The following JAK1 variants were observed in gnomAD, a reference collection of about 807,000 sequenced individuals.
The protein encoded by JAK1 is tyrosine-protein kinase JAK1.
A neutral mutation model predicts 136.6 loss-of-function variants in JAK1; 16 were observed. The ratio of observed to expected loss-of-function variants is 0.12; its 90% CI spans 0.08 to 0.18. The LOEUF (loss-of-function observed/expected upper bound fraction) is 0.18, where lower values mean the gene tolerates loss of function less well. JAK1 is among the 10% of genes least tolerant of loss of function. The pLI, the probability that JAK1 is intolerant of heterozygous loss-of-function variation, is 1.00. For missense variants in JAK1, 859 were observed against 1,450.1 expected (o/e 0.59, Z 6.62); for synonymous variants, 492 against 519.5 (o/e 0.95, Z 0.72).
At chr1:64,960,343 T>C (rs904415530) in intron 1 of JAK1, among the ~76,000 whole-genome samples, 2 of 152,240 alleles carry the variant, frequency 1.3e-5, no homozygotes, top group Non-Finnish European at 2.9e-5. Context: ...AGGTACTGTC[T>C]TTATTGTCAT....
intron 1 of JAK1, among the ~76,000 whole-genome samples, chr1:65,059,220 C>T (rs1011341847): frequency 1.3e-5 from 2 of 151,884 alleles, no homozygotes; most frequent in African/African-American, 4.8e-5. Flanking sequence ...TGTCCAGAAC[C>T]ATGTCAAATG....
rs1557641713 is a variant in JAK1, at chr1:64,860,419, C to CTTATTT, written c.1177-158_1177-157insAAATAA. ...CAATACTAAATATACCCCTTGCATG[C>CTTATTT]ATTTATTTATTTATTTATTTATTTA... On this transcript the variant is annotated intron_variant, in intron 8 of 24. Coordinates refer to ENST00000342505, the MANE Select transcript of JAK1 (RefSeq NM_002227.4). Among the ~76,000 whole-genome samples the CTTATTT allele has an allele frequency of 5.8e-3, 427 of 73,868 alleles. 5 individuals are homozygous for CTTATTT. Among genetic ancestry groups the CTTATTT allele is most frequent in the Admixed American group, 9.6e-3 (67 of 6,952 alleles). 48.5% of individuals were successfully genotyped at this position (73,868 alleles called of 152,430 possible).
chr1:64,996,868 C>T (rs937875732), intron 2 of JAK1, among the ~76,000 whole-genome samples: 22 of 152,228 alleles, frequency 1.4e-4, no homozygotes, highest in Admixed American at 1.3e-4. Context: ...GCTGCACTTC[C>T]AGTGCAATGA....
Position 64,984,755 on chromosome 1 carries a change from G to A in JAK1, c.-78+59725C>T. On this transcript the variant is annotated intron_variant, in intron 2 of 25. Transcript: ENST00000671954. The surrounding 1 kb of genome is among the most constrained non-coding windows in gnomAD (Gnocchi z 4.1). ...TGTAACACATCTCAGGGACTTTGAA[G>A]AAGGTAAAGATCAAGAAGGTAATGA... The A allele has an allele frequency of 1.0e-6, 1 of 952,772 alleles. No individual in the cohort carries two copies. The highest frequency in any genetic ancestry group is 1.6e-5 in the African/African-American group (1 of 61,048). 59.0% of individuals were successfully genotyped at this position (952,772 alleles called of 1,614,324 possible).
intron 8 of JAK1, 125 bp from the exon 9 acceptor site, chr1:64,860,387 T>A: frequency 2.0e-6 from 1 of 491,244 alleles, no homozygotes; most frequent in Admixed American, 3.7e-5. Flanking sequence ...AGGGAAAACC[T>A]TTTCATCAAT....
At chr1:64,959,621 A>C (rs1357859344) in intron 1 of JAK1, among the ~76,000 whole-genome samples, 1 of 152,238 alleles carries the variant, frequency 6.6e-6, no homozygotes, top group South Asian at 2.1e-4. Context: ...AGTCAAATAC[A>C]TTCCTACCAA....
intron 1 of JAK1, among the ~76,000 whole-genome samples, chr1:64,894,419 A>T (rs1224443936): frequency 6.6e-6 from 1 of 152,190 alleles, no homozygotes; most frequent in East Asian, 1.9e-4. Context: ...TCTATGCACC[A>T]AAGGTACTCA....
chr1:65,020,221 G>C (rs751186040), intron 2 of JAK1, among the ~76,000 whole-genome samples: 3 of 94,628 alleles, frequency 3.2e-5, no homozygotes, highest in African/African-American at 8.9e-5. Context: ...GCAAAACTCC[G>C]TCTCAAAAAA....
chr1:64,960,085 G>A (rs1327739584), intron 1 of JAK1, among the ~76,000 whole-genome samples: 1 of 152,040 alleles, frequency 6.6e-6, no homozygotes, highest in Non-Finnish European at 1.5e-5. Flanking sequence ...AAATTAGCTG[G>A]GTATTGTGGC....
At chr1:64,889,910 G>A (rs1255891061) in intron 1 of JAK1, among the ~76,000 whole-genome samples, 1 of 152,186 alleles carries the variant, frequency 6.6e-6, no homozygotes, top group African/African-American at 2.4e-5. Flanking sequence ...AAAACAGACT[G>A]GTTGACAGTG....
Position 64,879,012 on chromosome 1 carries a change from G to C in JAK1, c.329+13C>G. The C allele has an allele frequency of 1.9e-6, 3 of 1,613,770 alleles. No homozygotes were observed. Among genetic ancestry groups the C allele is most frequent in the Non-Finnish European group, 2.5e-6 (3 of 1,179,824 alleles). On this transcript the variant is annotated intron_variant, in intron 4 of 24. Transcript: ENST00000342505. The stretch of plus-strand genomic sequence containing the variant: ...AGGGAGCCAGGCAGGTACCAGGTCA[G>C]TACTTCCCATACCTCATCCGGTAGT...
chr1:64,970,340 C>G (rs1646440287), upstream of JAK1, among the ~76,000 whole-genome samples: 1 of 151,690 alleles, frequency 6.6e-6, no homozygotes, highest in Non-Finnish European at 1.5e-5. Flanking sequence ...TCTCGGGAGG[C>G]TGAGGCAGGA....
At chr1:64,990,987 G>A (rs186162948) in intron 2 of JAK1, 2 of 149,322 alleles carry the variant, frequency 1.3e-5, no homozygotes, top group African/African-American at 4.9e-5. Flanking sequence ...AACCACGTGT[G>A]AGGAAGCCCA....
chr1:65,054,733 T>C (rs1350669430), intron 1 of JAK1, among the ~76,000 whole-genome samples: 1 of 151,726 alleles, frequency 6.6e-6, no homozygotes, highest in African/African-American at 2.4e-5. Flanking sequence ...GGTGACTTCT[T>C]GTCCACGCCT....
intron 9 of JAK1, among the ~76,000 whole-genome samples, chr1:64,858,825 G>T (rs1332837600): frequency 6.6e-6 from 1 of 152,200 alleles, no homozygotes; most frequent in East Asian, 1.9e-4. Context: ...TGGCCAACAT[G>T]TATGGGATGG....
At chr1:64,877,309 A>G (rs1479060011) in intron 4 of JAK1, among the ~76,000 whole-genome samples, 1 of 152,124 alleles carries the variant, frequency 6.6e-6, no homozygotes, top group African/African-American at 2.4e-5. Flanking sequence ...CATCAGGCAA[A>G]TGTTTTAGCT....
chr1:64,898,040 T>TA (rs1645050113), intron 1 of JAK1, among the ~76,000 whole-genome samples: 1 of 150,940 alleles, frequency 6.6e-6, no homozygotes, highest in Admixed American at 6.6e-5. Flanking sequence ...GAGGGATCCA[T>TA]ACCTTTGCCC....
intron 15 of JAK1, 116 bp from the exon 16 acceptor site, chr1:64,845,005 T>C (rs1279730939): frequency 1.4e-5 from 19 of 1,373,692 alleles, no homozygotes; most frequent in Non-Finnish European, 6.1e-6. Flanking sequence ...CTGGACAGCC[T>C]GGCCCTGCTG....
rs373843842 is a variant in JAK1, at chr1:64,877,101, A to T, written c.329+1924T>A. On this transcript the variant is annotated intron_variant, in intron 4 of 24. Transcript: ENST00000342505. Reference sequence around the variant, plus strand: ...ACGGGGCAAAGAGGTTGTGACAAAGAGGAGAGATACCTGAGGATAACTATG... The same window carrying T: ...ACGGGGCAAAGAGGTTGTGACAAAGTGGAGAGATACCTGAGGATAACTATG... 3.3e-5 allele frequency among the ~76,000 whole-genome samples: 5 copies of T among 152,366 alleles called. 1 individual carries two copies. Among genetic ancestry groups the T allele is most frequent in the African/African-American group, 1.2e-4 (5 of 41,594 alleles).
Sources: allele counts gnomAD v4.1 joint callset (sites outside exome capture counted in the v4.1 genomes callset), GRCh38; gene constraint gnomAD v4.1.1; non-coding constraint Gnocchi (gnomAD v3.1); transcripts MANE v1.5; gene names NCBI Gene and HGNC (gene_info 2026-07-23, HGNC 2026-07-21).